Variants in PREX2 observed in about 807,000 individuals in gnomAD.
PREX2 encodes phosphatidylinositol 3,4,5-trisphosphate-dependent Rac exchanger 2 protein.
A neutral mutation model predicts 203.2 loss-of-function variants in PREX2; 107 were observed. That is an observed-to-expected ratio of 0.53 (90% CI 0.45 to 0.62). The LOEUF (loss-of-function observed/expected upper bound fraction) is 0.62, where lower values mean the gene tolerates loss of function less well. PREX2 is among the 20% of genes least tolerant of loss of function. The probability of loss-of-function intolerance (pLI) is 0.00; values close to 1 mark genes in which losing one functional copy is unlikely to be tolerated. For synonymous variants in PREX2, 672 were observed against 663.6 expected, an observed-to-expected ratio of 1.01 and a Z score of -0.19; for missense variants, 1,777 against 1,955.9, an observed-to-expected ratio of 0.91 and a Z score of 1.72.
At chr8:68,158,766 C>G (rs974542837) in intron 35 of PREX2, among the ~76,000 whole-genome samples, 4 of 152,076 alleles carry the variant, frequency 2.6e-5, no homozygotes, top group African/African-American at 9.7e-5. Flanking sequence ...GCTTGCATTC[C>G]TCAGATGAAA....
At chr8:68,099,485 G>A (rs554304928) in intron 22 of PREX2, among the ~76,000 whole-genome samples, 197 bp from the exon 23 acceptor site, 24 of 152,164 alleles carry the variant, frequency 1.6e-4, no homozygotes, top group Non-Finnish European at 2.5e-4. Flanking sequence ...CACTGACAGC[G>A]CCTCCTGACT....
intron 34 of PREX2, among the ~76,000 whole-genome samples, chr8:68,151,004 T>C (rs998220109): frequency 2.0e-5 from 3 of 152,180 alleles, no homozygotes; most frequent in African/African-American, 7.2e-5. Context: ...TGTGTGTCTG[T>C]CTCTGTGTTT....
At chr8:68,024,022 T>C (rs1585714347) in intron 4 of PREX2, among the ~76,000 whole-genome samples, 1 of 151,926 alleles carries the variant, frequency 6.6e-6, no homozygotes, top group South Asian at 2.1e-4. Context: ...GTGGTAAGAG[T>C]GGGCACACCT....
At position 68,134,119 on chromosome 8, in the gene PREX2, G is replaced by GTGC; in HGVS notation, c.3828_3830dup (p.Ala1277dup). 1 of 1,614,132 alleles carries GTGC rather than the reference G, an allele frequency of 6.2e-7. No individual in the cohort carries two copies. The highest frequency in any genetic ancestry group is 8.5e-7 in the Non-Finnish European group (1 of 1,179,998). On this transcript the variant is annotated inframe_insertion, in exon 32 of 40. Transcript: ENST00000288368. Reference sequence around the variant, plus strand: ...TGCCAGACTCTTGTGGCCACTGTCTGTGCCTTCTCTGAGCAGCTCATGGCG... The same window carrying GTGC: ...TGCCAGACTCTTGTGGCCACTGTCTGTGCTGCCTTCTCTGAGCAGCTCATGGCG...
chr8:68,225,667 G>GT (rs1199713014), intron 39 of PREX2, among the ~76,000 whole-genome samples: 1 of 152,174 alleles, frequency 6.6e-6, no homozygotes, highest in Admixed American at 6.5e-5. Flanking sequence ...CCTGAAAATG[G>GT]TTGGAGCACT....
At chr8:68,225,681 G>A (rs1345631977) in intron 39 of PREX2, among the ~76,000 whole-genome samples, 1 of 152,160 alleles carries the variant, frequency 6.6e-6, no homozygotes, top group African/African-American at 2.4e-5. Context: ...GAGCACTCAT[G>A]TTCTAATTGC....
At chr8:67,965,507 A>ATATG (rs10682887) in intron 1 of PREX2, among the ~76,000 whole-genome samples, 4 of 63,386 alleles carry the variant, frequency 6.3e-5, no homozygotes, top group South Asian at 7.9e-4. Flanking sequence ...GTATATATAT[A>ATATG]TGTGTGTGTA....
intron 37 of PREX2, among the ~76,000 whole-genome samples, chr8:68,215,397 A>T (rs1236288292): frequency 6.6e-6 from 1 of 152,108 alleles, no homozygotes; most frequent in African/African-American, 2.4e-5. Context: ...GGCTTCATTC[A>T]GCTGGTGTAA....
Position 68,192,573 on chromosome 8 carries a change from A to T in PREX2, c.4604+48A>T, listed in dbSNP as rs754622080. 2.8e-6 allele frequency: 4 copies of T among 1,426,760 alleles called. No individual in the cohort carries two copies. In the South Asian group the frequency reaches 5.4e-5, roughly 19 times the overall value. The allele number at this position is 1,426,760 out of a possible 1,614,324, so 88.4% of individuals were successfully genotyped here. The stretch of plus-strand genomic sequence containing the variant: ...TTGCCTCTTTGTTAGATCACACTTT[A>T]TTTGATGGTTTTTGTTTACATTTTG... On this transcript the variant is annotated intron_variant, in intron 37 of 39. Coordinates refer to ENST00000288368, the MANE Select transcript of PREX2 (RefSeq NM_024870.4).
intron 14 of PREX2, among the ~76,000 whole-genome samples, chr8:68,074,031 A>G (rs568465713): frequency 2.4e-4 from 37 of 151,966 alleles, no homozygotes; most frequent in Admixed American, 1.6e-3. Context: ...CAGTGGCTCA[A>G]TCTCGGCTCA....
At chr8:68,051,177 C>T (rs1464321237) in intron 8 of PREX2, among the ~76,000 whole-genome samples, 2 of 151,966 alleles carry the variant, frequency 1.3e-5, no homozygotes, top group Non-Finnish European at 2.9e-5. Flanking sequence ...TACACTTATG[C>T]GGTGGCAGGA....
chr8:68,110,332 T>G (rs948913705), intron 25 of PREX2, among the ~76,000 whole-genome samples: 1 of 152,170 alleles, frequency 6.6e-6, no homozygotes, highest in Non-Finnish European at 1.5e-5. Context: ...CAGAACAGCA[T>G]GGGGTTTGAG....
At chr8:68,106,958 C>T (rs1405021927) in intron 23 of PREX2, among the ~76,000 whole-genome samples, 1 of 152,072 alleles carries the variant, frequency 6.6e-6, no homozygotes, top group African/African-American at 2.4e-5. Flanking sequence ...ACTCTGAATC[C>T]TTTGCTTTTG....
At chr8:68,167,063 C>G (rs891892624) in intron 35 of PREX2, among the ~76,000 whole-genome samples, 2 of 152,190 alleles carry the variant, frequency 1.3e-5, no homozygotes, top group African/African-American at 2.4e-5. Context: ...GAAAATGGGT[C>G]TACATCATTG....
intron 8 of PREX2, among the ~76,000 whole-genome samples, chr8:68,046,284 T>C (rs1485258976): frequency 6.6e-6 from 1 of 152,062 alleles, no homozygotes; most frequent in Non-Finnish European, 1.5e-5. Context: ...TGAGTTGTGA[T>C]AGTGATTACT....
chr8:67,975,789 C>T (rs1261099800), intron 1 of PREX2, among the ~76,000 whole-genome samples: 8 of 143,058 alleles, frequency 5.6e-5, no homozygotes, highest in Admixed American at 2.2e-4. Flanking sequence ...CTGGAATCTC[C>T]GCTTCTCGGG....
At chr8:68,006,258 G>T (rs2129609867) in intron 1 of PREX2, among the ~76,000 whole-genome samples, 1 of 152,226 alleles carries the variant, frequency 6.6e-6, no homozygotes, top group African/African-American at 2.4e-5. Context: ...TCCTAAATTA[G>T]GTATCCTGGG....
chr8:67,957,559 T>G (rs1805525805), intron 1 of PREX2, among the ~76,000 whole-genome samples: 1 of 152,198 alleles, frequency 6.6e-6, no homozygotes, highest in African/African-American at 2.4e-5. Flanking sequence ...CATGGCAAAT[T>G]CCCAGAGAAA....
intron 1 of PREX2, among the ~76,000 whole-genome samples, chr8:67,991,437 C>T (rs1257256135): frequency 1.3e-5 from 2 of 152,118 alleles, no homozygotes; most frequent in African/African-American, 4.8e-5. Flanking sequence ...ACTCACAGTT[C>T]AGCATAGCTA....
Sources: gnomAD v4.1 joint callset for allele counts (sites outside exome capture counted in the v4.1 genomes callset) on GRCh38, gnomAD v4.1.1 for gene constraint, MANE v1.5 for transcripts, NCBI Gene and HGNC (gene_info 2026-07-23, HGNC 2026-07-21) for gene names.